RIPOR3: variants seen among roughly 807,000 people sequenced by gnomAD.
RIPOR3 encodes family with sequence similarity 65 member C.
In RIPOR3, 95 loss-of-function variants were observed where a neutral mutation model predicts 114.3. The ratio of observed to expected loss-of-function variants is 0.83; its 90% CI spans 0.70 to 0.99. The LOEUF (loss-of-function observed/expected upper bound fraction) is 0.99. RIPOR3 is among the 50% of genes least tolerant of loss of function. The pLI, the probability that RIPOR3 is intolerant of heterozygous loss-of-function variation, is 0.00. For synonymous variants in RIPOR3, 575 were observed against 543.8 expected (o/e 1.06, Z -0.80); for missense variants, 1,252 against 1,266.9 (o/e 0.99, Z 0.18).
At chr20:50,610,003 CCCTGCCTCACCTGCCACCCCTGCCTCA>C (rs1568854690) in intron 6 of RIPOR3, among the ~76,000 whole-genome samples, 10 of 122,838 alleles carry the variant, frequency 8.1e-5, no homozygotes, top group African/African-American at 3.0e-4. Flanking sequence ...CACCTGCCAC[CCCTGCCTCACCTGCCACCCCTGCCTCA>C]CCTGCCACCC....
intron 1 of RIPOR3, among the ~76,000 whole-genome samples, chr20:50,643,511 C>T (rs879351496): frequency 1.3e-5 from 2 of 151,218 alleles, no homozygotes; most frequent in Non-Finnish European, 3.0e-5. Context: ...CTGGGCAACA[C>T]AGAGAGACCC....
At chr20:50,629,971 T>C (rs1031412236) in intron 2 of RIPOR3, among the ~76,000 whole-genome samples, 1 of 151,932 alleles carries the variant, frequency 6.6e-6, no homozygotes, top group African/African-American at 2.4e-5. Flanking sequence ...TTTTGGTGTT[T>C]TTGTGGGTTT....
At chr20:50,617,614 C>G (rs1201487967) in intron 3 of RIPOR3, among the ~76,000 whole-genome samples, 1 of 143,380 alleles carries the variant, frequency 7.0e-6, no homozygotes, top group African/African-American at 2.6e-5. Context: ...CCATTTCATT[C>G]TAAGGTGGTT....
At chr20:50,675,255 A>G (rs1264786715) in intron 1 of RIPOR3, among the ~76,000 whole-genome samples, 1 of 152,206 alleles carries the variant, frequency 6.6e-6, no homozygotes, top group East Asian at 1.9e-4. Flanking sequence ...TAGCATCCAG[A>G]ACTGTGAAAG....
At position 50,665,736 on chromosome 20, in the gene RIPOR3, C is replaced by T. The variant is rs554197603; in HGVS notation, c.3+25390G>A. 1.2e-4 allele frequency among the ~76,000 whole-genome samples: 19 copies of T among 152,070 alleles called. No individual in the cohort carries two copies. In the East Asian group the frequency reaches 2.5e-3, roughly 20 times the overall value. On this transcript the variant is annotated intron_variant, in intron 1 of 21. Transcript: ENST00000327979. ...TGCCTGCCGGGTGGGTTTCTTATGG[C>T]GAATGATCCCACACCACTTTTCAGT...
At chr20:50,667,078 C>A (rs2086272659) in intron 1 of RIPOR3, among the ~76,000 whole-genome samples, 1 of 152,034 alleles carries the variant, frequency 6.6e-6, no homozygotes. Flanking sequence ...GGACTCTGAA[C>A]CTAGCTTGGC....
chr20:50,595,477 G>C lies in RIPOR3; in HGVS notation c.1942C>G (p.Leu648Val). Residue 648 changes from leucine to valine, a missense_variant, in exon 16 of 22, where the codon CTG becomes GTG. Transcript: ENST00000327979. ...QKLASPNLSR[L>V]VQECLLEEVA... ...TCTTCCAGGAGGCATTCCTGGACCA[G>C]CCTTGATAAATTAGGGGAGGCCAGT... 1 of 1,614,096 alleles carries C rather than the reference G, an allele frequency of 6.2e-7. No homozygotes were observed. The highest frequency in any genetic ancestry group is 1.1e-5 in the South Asian group (1 of 91,078).
intron 20 of RIPOR3, among the ~76,000 whole-genome samples, chr20:50,588,500 C>T (rs1452524152): frequency 3.9e-5 from 6 of 152,250 alleles, no homozygotes; most frequent in Non-Finnish European, 1.5e-5. Context: ...CATCCCCTCA[C>T]ATCCATGGGA....
intron 1 of RIPOR3, among the ~76,000 whole-genome samples, chr20:50,650,900 A>C (rs191490951): frequency 6.6e-6 from 1 of 152,090 alleles, no homozygotes; most frequent in Admixed American, 6.6e-5. Flanking sequence ...TGGTTACCTT[A>C]TATGACAAAA....
chr20:50,621,366 C>T (rs1025342518), intron 2 of RIPOR3, among the ~76,000 whole-genome samples: 10 of 152,192 alleles, frequency 6.6e-5, no homozygotes, highest in African/African-American at 2.4e-4. Context: ...TCTGGGGCAC[C>T]TCCCCAGCTC....
chr20:50,648,168 C>G (rs954698326), intron 1 of RIPOR3, among the ~76,000 whole-genome samples: 1 of 151,560 alleles, frequency 6.6e-6, no homozygotes, highest in Non-Finnish European at 1.5e-5. Flanking sequence ...CCCAGCTACT[C>G]GGGAGACTGA....
At chr20:50,652,292 A>C (rs967527500) in intron 1 of RIPOR3, among the ~76,000 whole-genome samples, 1 of 152,112 alleles carries the variant, frequency 6.6e-6, no homozygotes, top group Non-Finnish European at 1.5e-5. Flanking sequence ...ACCGACTGTC[A>C]CTCAAGAAAT....
At chr20:50,687,147 A>G (rs1312987560) in intron 1 of RIPOR3, among the ~76,000 whole-genome samples, 1 of 152,250 alleles carries the variant, frequency 6.6e-6, no homozygotes, top group East Asian at 1.9e-4. Flanking sequence ...ACTAATCGGG[A>G]GCCGCTGCGG....
intron 13 of RIPOR3, among the ~76,000 whole-genome samples, chr20:50,600,825 T>G (rs2083468034): frequency 6.6e-6 from 1 of 152,204 alleles, no homozygotes; most frequent in African/African-American, 2.4e-5. Context: ...TTCTGGAAAT[T>G]TTCAGGCAGG....
intron 16 of RIPOR3, 43 bp downstream of exon 16, chr20:50,595,326 G>T: frequency 6.2e-7 from 1 of 1,600,356 alleles, no homozygotes; most frequent in South Asian, 1.1e-5. Flanking sequence ...CCGTCCCCGT[G>T]CCGCTCACAT....
chr20:50,653,959 T>C (rs2085714479), intron 1 of RIPOR3: 1 of 152,124 alleles, frequency 6.6e-6, no homozygotes, highest in Non-Finnish European at 1.5e-5. Context: ...GTGACTTCAA[T>C]ATACCCTCTC....
At chr20:50,587,929 G>A (rs906040452) in intron 20 of RIPOR3, 37 bp from the exon 21 acceptor site, 1 of 1,602,346 alleles carries the variant, frequency 6.2e-7, no homozygotes, top group Non-Finnish European at 8.5e-7. Context: ...CCTTTAGGGG[G>A]CCTTCTCAAC....
chr20:50,639,407 T>C (rs2085110249), intron 1 of RIPOR3, among the ~76,000 whole-genome samples: 1 of 152,088 alleles, frequency 6.6e-6, no homozygotes, highest in Admixed American at 6.5e-5. Context: ...GAACCCCTCT[T>C]TCTAAACCCC....
chr20:50,669,657 G>T (rs1290295882), intron 1 of RIPOR3, among the ~76,000 whole-genome samples: 1 of 152,132 alleles, frequency 6.6e-6, no homozygotes, highest in African/African-American at 2.4e-5. Context: ...GGGGCCCCTG[G>T]AGGTGCAGCA....
Sources: allele counts gnomAD v4.1 joint callset (sites outside exome capture counted in the v4.1 genomes callset), GRCh38; gene constraint gnomAD v4.1.1; transcripts MANE v1.5; gene names NCBI Gene and HGNC (gene_info 2026-07-23, HGNC 2026-07-21).